RORA: variants seen among roughly 807,000 people sequenced by gnomAD.
The protein encoded by RORA is RAR related orphan receptor A.
RORA carries 7 observed loss-of-function variants against 69.5 expected under a neutral mutation model. That is an observed-to-expected ratio of 0.10 (90% CI 0.06 to 0.19). The LOEUF (loss-of-function observed/expected upper bound fraction) is 0.19, where lower values mean the gene tolerates loss of function less well. Ranked by LOEUF, RORA falls within the 10% of genes least tolerant of loss-of-function variation. RORA has a pLI of 1.00. For missense variants in RORA, 457 were observed against 663.0 expected (o/e 0.69, Z 3.41); for synonymous variants, 261 against 240.8 (o/e 1.08, Z -0.78).
intron 1 of RORA, among the ~76,000 whole-genome samples, chr15:60,759,782 T>C (rs2071858503): frequency 6.6e-6 from 1 of 152,164 alleles, no homozygotes; most frequent in Non-Finnish European, 1.5e-5. Flanking sequence ...TTCCCAAGTA[T>C]TATCTTGCCA....
At chr15:60,846,966 C>G (rs1283258222) in intron 1 of RORA, among the ~76,000 whole-genome samples, 2 of 152,094 alleles carry the variant, frequency 1.3e-5, no homozygotes, top group Non-Finnish European at 1.5e-5. Context: ...ATACATGATG[C>G]TCTTTTGGTA....
At chr15:60,831,720 T>C (rs2073044698) in intron 1 of RORA, among the ~76,000 whole-genome samples, 1 of 152,196 alleles carries the variant, frequency 6.6e-6, no homozygotes, top group Non-Finnish European at 1.5e-5. Flanking sequence ...ACTCTTGAAC[T>C]CAAAACCATT....
intron 2 of RORA, among the ~76,000 whole-genome samples, chr15:60,615,626 C>T (rs549577912): frequency 2.6e-5 from 4 of 152,166 alleles, no homozygotes; most frequent in African/African-American, 7.2e-5. Flanking sequence ...AGCCCAGGTC[C>T]GGGGAAGCTG....
At chr15:60,797,273 C>T (rs536415897) in intron 1 of RORA, among the ~76,000 whole-genome samples, 3 of 151,904 alleles carry the variant, frequency 2.0e-5, no homozygotes, top group Admixed American at 6.6e-5. Context: ...GTAAGTTGTA[C>T]ATTATGTGTA....
At chr15:61,167,651 C>T (rs1472858486) in intron 1 of RORA, among the ~76,000 whole-genome samples, 1 of 152,096 alleles carries the variant, frequency 6.6e-6, no homozygotes, top group Non-Finnish European at 1.5e-5. Flanking sequence ...GGGAGCTTTC[C>T]CCACACTTAT....
chr15:60,810,250 G>A (rs2072722837), intron 1 of RORA, among the ~76,000 whole-genome samples: 1 of 152,108 alleles, frequency 6.6e-6, no homozygotes, highest in African/African-American at 2.4e-5. Context: ...ATTCTACACT[G>A]GAAACAATTT....
At chr15:60,879,475 T>C (rs2073655316) in intron 1 of RORA, among the ~76,000 whole-genome samples, 2 of 152,164 alleles carry the variant, frequency 1.3e-5, no homozygotes, top group Non-Finnish European at 2.9e-5. Flanking sequence ...TTAGTGTTAC[T>C]TAGAGAAGGG....
intron 10 of RORA, among the ~76,000 whole-genome samples, 167 bp downstream of exon 10, chr15:60,499,725 G>C (rs2065271924): frequency 6.6e-6 from 1 of 152,148 alleles, no homozygotes; most frequent in Non-Finnish European, 1.5e-5. Flanking sequence ...ATAATGAGCT[G>C]TGGCTCAACA....
intron 1 of RORA, among the ~76,000 whole-genome samples, chr15:60,907,326 T>A (rs1342721505): frequency 1.3e-5 from 2 of 152,156 alleles, no homozygotes; most frequent in Non-Finnish European, 2.9e-5. Context: ...GTCTCTCATG[T>A]CCTGGTGGCC....
At chr15:60,729,883 T>G (rs1339974670) in intron 1 of RORA, among the ~76,000 whole-genome samples, 2 of 152,270 alleles carry the variant, frequency 1.3e-5, no homozygotes, top group African/African-American at 4.8e-5. Flanking sequence ...TAAGGCTAGT[T>G]GTGGACAATA....
rs747259577 is a variant in RORA at position 60,771,882 on chromosome 15, C to T, written c.167-93196G>A. ...AGATCTTGGAAAAACATAGGTAGCA[C>T]GGTGCTGCAGTGCATTTAGTGATGA... is the stretch of plus-strand genomic sequence containing the variant. On this transcript the variant is annotated intron_variant, in intron 1 of 10. Transcript: ENST00000335670. Among the ~76,000 whole-genome samples the T allele has an allele frequency of 2.8e-4, 43 of 152,100 alleles. 1 individual carries two copies. The highest frequency in any genetic ancestry group is 2.0e-4 in the Admixed American group (3 of 15,270).
chr15:60,703,123 A>G (rs2071008509), intron 1 of RORA, among the ~76,000 whole-genome samples: 1 of 121,794 alleles, frequency 8.2e-6, no homozygotes, highest in Non-Finnish European at 1.7e-5. Context: ...GATGCTTCAG[A>G]TTAACACACA....
chr15:60,720,310 C>T (rs2071276469), intron 1 of RORA, among the ~76,000 whole-genome samples: 1 of 152,126 alleles, frequency 6.6e-6, no homozygotes, highest in Non-Finnish European at 1.5e-5. Context: ...GTAGTCCTCG[C>T]CCTGACGGCA....
At chr15:61,085,341 G>A (rs1030642059) in intron 1 of RORA, among the ~76,000 whole-genome samples, 9 of 152,174 alleles carry the variant, frequency 5.9e-5, no homozygotes, top group African/African-American at 1.9e-4. Flanking sequence ...TGAGCTAGCT[G>A]TTTCATGGTG....
At chr15:60,826,528 G>A (rs2072959887) in intron 1 of RORA, among the ~76,000 whole-genome samples, 1 of 152,126 alleles carries the variant, frequency 6.6e-6, no homozygotes, top group Non-Finnish European at 1.5e-5. Context: ...CCAGTTCTAG[G>A]CGCTACACTT....
At position 60,717,055 on chromosome 15, in the gene RORA, C is replaced by T. The variant is rs1004460479; in HGVS notation, c.167-38369G>A. Among the ~76,000 whole-genome samples the T allele has an allele frequency of 7.9e-5, 12 of 152,282 alleles. No homozygotes were observed. The South Asian group carries it at 1.0e-3, about 13-fold the overall frequency. ...GTTCTGGAGGCCTGGACTTGCAACT[C>T]GTGTCTGAAAGCATGGGGGGCAGTT... On this transcript the variant is annotated intron_variant, in intron 1 of 10. Transcript: ENST00000335670.
intron 1 of RORA, among the ~76,000 whole-genome samples, chr15:60,710,963 G>T (rs748209298): frequency 6.6e-6 from 1 of 152,142 alleles, no homozygotes; most frequent in Admixed American, 6.5e-5. Context: ...TTAGAGGTGG[G>T]CAGACAAGGC....
intron 1 of RORA, among the ~76,000 whole-genome samples, chr15:60,793,021 C>T (rs1231678863): frequency 1.3e-5 from 2 of 151,686 alleles, no homozygotes; most frequent in Non-Finnish European, 2.9e-5. Flanking sequence ...CCACCACTCC[C>T]TCAAAAGAGA....
Position 60,948,772 on chromosome 15 carries a change from C to T in RORA, c.167-270086G>A, listed in dbSNP as rs140650717. On this transcript the variant is annotated intron_variant, in intron 1 of 10. Coordinates refer to ENST00000335670, the MANE Select transcript of RORA (RefSeq NM_134261.3). ...CATCCCCCACAACAAATATAAGATACGGTCCTATTCTCTGCTTTCAAGAAA... is the reference window on the plus strand; with the variant it reads ...CATCCCCCACAACAAATATAAGATATGGTCCTATTCTCTGCTTTCAAGAAA... Among the ~76,000 whole-genome samples the T allele has an allele frequency of 8.5e-5, 13 of 152,258 alleles. No individual in the cohort carries two copies. The East Asian group carries it at 9.6e-4, about 11-fold the overall frequency.
Sources: gnomAD v4.1 joint callset for allele counts (sites outside exome capture counted in the v4.1 genomes callset) on GRCh38, gnomAD v4.1.1 for gene constraint, MANE v1.5 for transcripts, NCBI Gene and HGNC (gene_info 2026-07-23, HGNC 2026-07-21) for gene names.